PEX5L: variants seen among roughly 807,000 people sequenced by gnomAD.
The protein encoded by PEX5L is PEX5-related protein.
In PEX5L, 30 loss-of-function variants were observed where a neutral mutation model predicts 84.0. That is an observed-to-expected ratio of 0.36 (90% CI 0.27 to 0.48). PEX5L has a LOEUF of 0.48. PEX5L is among the 20% of genes least tolerant of loss of function. The pLI is 0.99. For missense variants in PEX5L, 533 were observed against 754.6 expected, an observed-to-expected ratio of 0.71 and a Z score of 3.44; for synonymous variants, 270 against 283.1, an observed-to-expected ratio of 0.95 and a Z score of 0.46.
At chr3:179,888,280 C>T in intron 3 of PEX5L, 1 of 567,318 alleles carries the variant, frequency 1.8e-6, no homozygotes, top group South Asian at 1.6e-5. Flanking sequence ...TTAAAAAGCT[C>T]AGGTCACCTA....
At chr3:180,004,452 C>G (rs1788693791) in intron 1 of PEX5L, among the ~76,000 whole-genome samples, 1 of 152,082 alleles carries the variant, frequency 6.6e-6, no homozygotes, top group Non-Finnish European at 1.5e-5. Context: ...ATATGTGTTT[C>G]ACAAAGTACT....
intron 2 of PEX5L, among the ~76,000 whole-genome samples, chr3:179,952,429 G>T (rs7642327): frequency 1.3e-5 from 2 of 151,964 alleles, no homozygotes; most frequent in Non-Finnish European, 2.9e-5. Flanking sequence ...AGAAGGGAAA[G>T]ATGTGTATAT....
At chr3:179,937,016 A>T (rs80001589) in intron 2 of PEX5L, among the ~76,000 whole-genome samples, 29 of 69,848 alleles carry the variant, frequency 4.2e-4, no homozygotes, top group Admixed American at 7.9e-4. Context: ...CTAAAACAGA[A>T]TCAGTGGGGT....
chr3:179,973,443 T>C, intron 1 of PEX5L: 1 of 1,124,548 alleles, frequency 8.9e-7, no homozygotes, highest in Non-Finnish European at 1.1e-6. Flanking sequence ...TGAAAATTTC[T>C]TTTTCTAACT....
intron 2 of PEX5L, among the ~76,000 whole-genome samples, chr3:179,933,539 T>C (rs1050375910): frequency 1.3e-5 from 2 of 152,116 alleles, no homozygotes; most frequent in African/African-American, 4.8e-5. Context: ...CTAAAAGACA[T>C]TGGAAACTAG....
intron 8 of PEX5L, among the ~76,000 whole-genome samples, chr3:179,853,767 T>TTCTTCTTCTTCTTCCTCTTCCTCTTCC (rs1560389545): frequency 6.7e-6 from 1 of 149,768 alleles, no homozygotes; most frequent in Non-Finnish European, 1.5e-5. Flanking sequence ...CTTCCTCCTC[T>TTCTTCTTCTTCTTCCTCTTCCTCTTCC]TCTTCTTCTT....
At chr3:179,916,933 G>A (rs899495082) in intron 2 of PEX5L, among the ~76,000 whole-genome samples, 2 of 151,820 alleles carry the variant, frequency 1.3e-5, no homozygotes, top group African/African-American at 2.4e-5. Flanking sequence ...GCCTCCTAAA[G>A]TGCTGGGATT....
chr3:179,893,671 T>C (rs576975125), intron 3 of PEX5L, among the ~76,000 whole-genome samples: 1 of 152,306 alleles, frequency 6.6e-6, no homozygotes, highest in East Asian at 1.9e-4. Context: ...TGATCTTGAA[T>C]TGTTTTAAAG....
At chr3:179,858,107 T>C (rs1364693602) in intron 8 of PEX5L, among the ~76,000 whole-genome samples, 1 of 152,218 alleles carries the variant, frequency 6.6e-6, no homozygotes, top group Non-Finnish European at 1.5e-5. Flanking sequence ...ATAGAGGTAC[T>C]GAAAGACCAC....
chr3:179,889,262 G>A (rs1756885795), intron 3 of PEX5L, among the ~76,000 whole-genome samples: 1 of 152,122 alleles, frequency 6.6e-6, no homozygotes, highest in African/African-American at 2.4e-5. Context: ...AGGTGGCAGG[G>A]GACCTGAGTA....
chr3:179,933,871 G>A (rs1403678676), intron 2 of PEX5L, among the ~76,000 whole-genome samples: 1 of 152,172 alleles, frequency 6.6e-6, no homozygotes, highest in African/African-American at 2.4e-5. Context: ...CTGGTCTTAG[G>A]ACCACCTTGA....
intron 1 of PEX5L, among the ~76,000 whole-genome samples, chr3:179,990,713 T>G (rs578080666): frequency 6.6e-6 from 1 of 152,256 alleles, no homozygotes; most frequent in African/African-American, 2.4e-5. Flanking sequence ...CATTCTGATA[T>G]CTTTACTGTT....
chr3:179,817,984 GA>G (rs1726811530), intron 9 of PEX5L, among the ~76,000 whole-genome samples: 1 of 152,200 alleles, frequency 6.6e-6, no homozygotes, highest in Admixed American at 6.5e-5. Context: ...TACTTTTAAT[GA>G]GATGGTTGTT....
intron 12 of PEX5L, among the ~76,000 whole-genome samples, chr3:179,808,748 T>G (rs1007288510): frequency 2.6e-5 from 4 of 152,084 alleles, no homozygotes; most frequent in Admixed American, 2.0e-4. Context: ...CCTCAGTGAA[T>G]AAGGATTTAA....
chr3:180,016,252 T>C (rs1484157655), intron 1 of PEX5L, among the ~76,000 whole-genome samples: 1 of 152,208 alleles, frequency 6.6e-6, no homozygotes, highest in Non-Finnish European at 1.5e-5. Flanking sequence ...GATTATATCA[T>C]AATACTTAAA....
At chr3:179,882,240 A>G (rs888124308) in intron 4 of PEX5L, among the ~76,000 whole-genome samples, 5 of 152,256 alleles carry the variant, frequency 3.3e-5, no homozygotes, top group African/African-American at 1.2e-4. Context: ...TGAACATAGG[A>G]AGTACATTTG....
intron 7 of PEX5L, among the ~76,000 whole-genome samples, chr3:179,874,018 G>A (rs1189666522): frequency 1.3e-5 from 2 of 152,096 alleles, no homozygotes; most frequent in Non-Finnish European, 2.9e-5. Flanking sequence ...TAATAATAGA[G>A]TAGAACAGAT....
intron 1 of PEX5L, among the ~76,000 whole-genome samples, chr3:180,029,167 C>T (rs755308249): frequency 1.2e-4 from 18 of 152,046 alleles, no homozygotes; most frequent in Admixed American, 5.2e-4. Context: ...GGAATGGGGA[C>T]ATAATAGTTC....
intron 1 of PEX5L, chr3:179,973,334 C>A: frequency 8.1e-7 from 1 of 1,235,388 alleles, no homozygotes. Flanking sequence ...CCAGGAACAG[C>A]ATTAATAATG....
Sources: gnomAD v4.1 joint callset for allele counts (sites outside exome capture counted in the v4.1 genomes callset) on GRCh38, gnomAD v4.1.1 for gene constraint, MANE v1.5 for transcripts, NCBI Gene and HGNC (gene_info 2026-07-23, HGNC 2026-07-21) for gene names.